The following TSPAN11 variants were observed in gnomAD, a reference collection of about 807,000 sequenced individuals.
TSPAN11 encodes tetraspanin-11.
A neutral mutation model predicts 32.9 loss-of-function variants in TSPAN11; 29 were observed. The observed-to-expected ratio is 0.88, with a 90% confidence interval of 0.66 to 1.20. TSPAN11 has a LOEUF of 1.20. Among genes scored for constraint, TSPAN11 ranks in the 50% most tolerant of loss-of-function variants. The probability of loss-of-function intolerance (pLI) is 0.00; values close to 1 mark genes in which losing one functional copy is unlikely to be tolerated. For synonymous variants in TSPAN11, 140 were observed against 141.3 expected (o/e 0.99, Z 0.07); for missense variants, 283 against 329.1 (o/e 0.86, Z 1.08).
intron 1 of TSPAN11, among the ~76,000 whole-genome samples, chr12:30,927,293 A>G (rs1937820078): frequency 6.6e-6 from 1 of 152,172 alleles, no homozygotes; most frequent in Admixed American, 6.5e-5. Context: ...ACGTCTGTGT[A>G]TTTGTGACAA....
At chr12:30,960,689 G>A (rs1048852797) in intron 2 of TSPAN11, among the ~76,000 whole-genome samples, 8 of 151,960 alleles carry the variant, frequency 5.3e-5, no homozygotes, top group African/African-American at 1.9e-4. Flanking sequence ...CTTGTCGCCT[G>A]GCTTCACCCT....
At chr12:30,973,969 T>C (rs1938906508) in intron 3 of TSPAN11, among the ~76,000 whole-genome samples, 1 of 152,156 alleles carries the variant, frequency 6.6e-6, no homozygotes, top group Non-Finnish European at 1.5e-5. Context: ...CTGAGAGCTC[T>C]TGGGTTGTAC....
intron 7 of TSPAN11, among the ~76,000 whole-genome samples, chr12:30,987,780 G>A (rs992864542): frequency 6.6e-6 from 1 of 152,086 alleles, no homozygotes; most frequent in Non-Finnish European, 1.5e-5. Flanking sequence ...TGTGAGAGAG[G>A]TCAGGAGATG....
intron 1 of TSPAN11, among the ~76,000 whole-genome samples, chr12:30,935,529 AC>A (rs1175332302): frequency 2.0e-5 from 3 of 151,822 alleles, no homozygotes; most frequent in African/African-American, 7.3e-5. Context: ...GATTACAGGC[AC>A]CCACCAACAT....
At chr12:30,947,036 T>G (rs1213134915) in intron 1 of TSPAN11, among the ~76,000 whole-genome samples, 1 of 152,076 alleles carries the variant, frequency 6.6e-6, no homozygotes. Context: ...CAGAAGACAC[T>G]CCCCAGAGCT....
At chr12:30,981,545 C>T (rs772389580) in intron 5 of TSPAN11, among the ~76,000 whole-genome samples, 8 of 152,188 alleles carry the variant, frequency 5.3e-5, no homozygotes, top group South Asian at 2.1e-4. Flanking sequence ...TCCTTCTGCG[C>T]GCTGTGCCAG....
intron 2 of TSPAN11, among the ~76,000 whole-genome samples, chr12:30,963,583 A>AT (rs769488437): frequency 3.9e-5 from 6 of 152,210 alleles, no homozygotes; most frequent in Non-Finnish European, 8.8e-5. Flanking sequence ...AAAGCACCGA[A>AT]TTCACAGTCG....
chr12:30,937,105 C>G (rs946337041), intron 1 of TSPAN11, among the ~76,000 whole-genome samples: 4 of 152,134 alleles, frequency 2.6e-5, no homozygotes, highest in African/African-American at 9.7e-5. Flanking sequence ...TCAAATTCAG[C>G]AGAGATGAAG....
At chr12:30,954,473 T>C (rs1592472414) in intron 2 of TSPAN11, 1 of 229,958 alleles carries the variant, frequency 4.3e-6, no homozygotes. Flanking sequence ...ATGGTTAACA[T>C]TCTCCAGGCC....
chr12:30,963,909 C>T lies in TSPAN11; in HGVS notation c.168C>T (p.Thr56=). The T allele has an allele frequency of 6.2e-7, 1 of 1,613,748 alleles. No homozygotes were observed. Among genetic ancestry groups the T allele is most frequent in the Non-Finnish European group, 8.5e-7 (1 of 1,179,918 alleles). Reference sequence around the variant, plus strand: ...ACCTCAGCGTCCTGGCCTCCAGCACCTTTGCCGCCTCCGCCTACATCCTCA... The same window carrying T: ...ACCTCAGCGTCCTGGCCTCCAGCACTTTTGCCGCCTCCGCCTACATCCTCA... The part of the protein sequence containing the change: ...SGYLSVLASS[T]FAASAYILIF... The change falls in exon 3 of 8, where the codon ACC becomes ACT. Residue 56 remains threonine, a synonymous_variant. Coordinates refer to ENST00000546076, the MANE Select transcript of TSPAN11 (RefSeq NM_001370302.1).
chr12:30,970,684 T>C (rs1592486003), intron 3 of TSPAN11, among the ~76,000 whole-genome samples: 1 of 151,984 alleles, frequency 6.6e-6, no homozygotes, highest in Non-Finnish European at 1.5e-5. Context: ...CACTTCCAGG[T>C]GAAATGGCTG....
chr12:30,974,671 C>A (rs1427577276), intron 3 of TSPAN11, among the ~76,000 whole-genome samples: 1 of 152,222 alleles, frequency 6.6e-6, no homozygotes, highest in East Asian at 1.9e-4. Context: ...CCAGAAGCAA[C>A]CTCAGATGTG....
rs1363346407 is a variant in TSPAN11 at position 30,978,619 on chromosome 12, A to G, written c.335A>G (p.His112Arg). ...GAGCTGGTGGCGGGAGTCCTGGCCCATGTGTATTACCAGAGGGTAAGTGAC... is the reference window on the plus strand; with the variant it reads ...GAGCTGGTGGCGGGAGTCCTGGCCCGTGTGTATTACCAGAGGGTAAGTGAC... The part of the protein sequence containing the change: ...LVELVAGVLA[H>R]VYYQRLSDEL... Residue 112 changes from histidine to arginine, a missense_variant, in exon 4 of 8, where the codon CAT becomes CGT. Coordinates refer to ENST00000546076, the MANE Select transcript of TSPAN11 (RefSeq NM_001370302.1). The G allele has an allele frequency of 2.5e-6, 4 of 1,613,998 alleles. No individual in the cohort carries two copies. In the Admixed American group the frequency reaches 5.0e-5, roughly 20 times the overall value.
At chr12:30,971,078 G>A (rs1938840494) in intron 3 of TSPAN11, among the ~76,000 whole-genome samples, 1 of 152,136 alleles carries the variant, frequency 6.6e-6, no homozygotes, top group Non-Finnish European at 1.5e-5. Context: ...CTTAACCTTG[G>A]CAGGGTCTTG....
chr12:30,929,822 G>A (rs1327565530), intron 1 of TSPAN11, among the ~76,000 whole-genome samples: 1 of 152,208 alleles, frequency 6.6e-6, no homozygotes, highest in East Asian at 1.9e-4. Context: ...ACGTAAAATA[G>A]TCTCTTGTGC....
At chr12:30,963,391 C>T (rs1378211088) in intron 2 of TSPAN11, among the ~76,000 whole-genome samples, 3 of 152,192 alleles carry the variant, frequency 2.0e-5, no homozygotes, top group African/African-American at 7.2e-5. Context: ...GGGCGGTGCT[C>T]GAACGAGCCC....
chr12:30,928,794 A>G (rs12317348), intron 1 of TSPAN11, among the ~76,000 whole-genome samples: 17,390 of 152,114 alleles, frequency 0.11, 1,050 homozygotes, highest in Non-Finnish European at 0.14. Flanking sequence ...TCCCCCATCT[A>G]AAGTAGCCAC....
At chr12:30,978,231 G>C (rs985322248) in intron 3 of TSPAN11, 1 of 310,774 alleles carries the variant, frequency 3.2e-6, no homozygotes, top group Non-Finnish European at 6.0e-6. Context: ...TTGTAACACA[G>C]CATTGCAGTC....
chr12:30,954,178 C>A, intron 2 of TSPAN11, 103 bp downstream of exon 2: 1 of 811,200 alleles, frequency 1.2e-6, no homozygotes, highest in South Asian at 1.4e-5. Flanking sequence ...TCTTCCAAAT[C>A]AAAGATCAAC....
Sources: allele counts gnomAD v4.1 joint callset (sites outside exome capture counted in the v4.1 genomes callset), GRCh38; gene constraint gnomAD v4.1.1; transcripts MANE v1.5; gene names NCBI Gene and HGNC (gene_info 2026-07-23, HGNC 2026-07-21).